GPR158: variants seen among roughly 807,000 people sequenced by gnomAD.
GPR158 encodes G protein-coupled receptor 158.
A neutral mutation model predicts 78.2 loss-of-function variants in GPR158; 30 were observed. That is an observed-to-expected ratio of 0.38 (90% CI 0.29 to 0.52). The LOEUF (loss-of-function observed/expected upper bound fraction) is 0.52, where lower values mean the gene tolerates loss of function less well. GPR158 is among the 20% of genes least tolerant of loss of function. The pLI, the probability that GPR158 is intolerant of heterozygous loss-of-function variation, is 0.83. For missense variants in GPR158, 1,463 were observed against 1,523.5 expected, an observed-to-expected ratio of 0.96 and a Z score of 0.66; for synonymous variants, 581 against 591.1, an observed-to-expected ratio of 0.98 and a Z score of 0.25.
At chr10:25,277,419 T>C (rs1588771179) in intron 2 of GPR158, among the ~76,000 whole-genome samples, 2 of 149,718 alleles carry the variant, frequency 1.3e-5, no homozygotes, top group South Asian at 2.1e-4. Context: ...CTGAATAAAA[T>C]AGAATAAACA....
intron 1 of GPR158, among the ~76,000 whole-genome samples, chr10:25,189,834 A>ATGTGTGTGTGTGTGTGTG (rs56205437): frequency 8.3e-6 from 1 of 120,538 alleles, no homozygotes; most frequent in African/African-American, 3.3e-5. Context: ...AAAGGAAAGC[A>ATGTGTGTGTGTGTGTGTG]TGTGTGTGTG....
At chr10:25,230,264 T>C (rs2130694134) in intron 2 of GPR158, among the ~76,000 whole-genome samples, 1 of 152,290 alleles carries the variant, frequency 6.6e-6, no homozygotes, top group Admixed American at 6.5e-5. Flanking sequence ...TTTGATCACA[T>C]GTGAATGATA....
chr10:25,296,485 ATATC>A (rs1206053735), intron 2 of GPR158, among the ~76,000 whole-genome samples: 1 of 151,374 alleles, frequency 6.6e-6, no homozygotes, highest in African/African-American at 2.4e-5. Context: ...CTTTCTATCT[ATATC>A]TAATCTATCT....
At chr10:25,317,726 G>GTTTTTTTTT (rs796945422) in intron 2 of GPR158, among the ~76,000 whole-genome samples, 2 of 140,140 alleles carry the variant, frequency 1.4e-5, no homozygotes, top group African/African-American at 5.9e-5. Context: ...GTTTTTTTTT[G>GTTTTTTTTT]TTTTGTTTTG....
chr10:25,598,190 A>T lies in GPR158; in HGVS notation c.2564A>T (p.Lys855Ile), dbSNP rs895204497. The change falls in exon 11 of 11, where the codon AAA becomes ATA. Residue 855 changes from lysine to isoleucine, a missense_variant. Physicochemically the swap from Lys to Ile is moderately radical, Grantham distance 102 (BLOSUM62 -3). Transcript: ENST00000376351. ...ENSTLESLSG[K>I]KLTQKLKEDS... is the part of the protein sequence containing the mutation. The stretch of plus-strand genomic sequence containing the variant: ...TCCACACTGGAATCCCTGTCGGGTA[A>T]AAAACTAACACAAAAACTAAAAGAA... 1 of 1,614,138 alleles carries T rather than the reference A, an allele frequency of 6.2e-7. No homozygotes were observed. The highest frequency in any genetic ancestry group is 1.7e-5 in the Admixed American group (1 of 60,024).
chr10:25,222,279 C>T (rs779199512), intron 2 of GPR158, among the ~76,000 whole-genome samples: 3 of 151,950 alleles, frequency 2.0e-5, no homozygotes, highest in East Asian at 1.9e-4. Context: ...ACTTCCACCC[C>T]GCCACCACAC....
chr10:25,425,727 G>C (rs1055455234), intron 4 of GPR158, among the ~76,000 whole-genome samples: 1 of 152,080 alleles, frequency 6.6e-6, no homozygotes. Flanking sequence ...CCATTTTATG[G>C]GTTATTTCTT....
At chr10:25,260,593 A>ATTGTT (rs1159312659) in intron 2 of GPR158, among the ~76,000 whole-genome samples, 1 of 151,420 alleles carries the variant, frequency 6.6e-6, no homozygotes, top group Non-Finnish European at 1.5e-5. Flanking sequence ...GACAGTTACT[A>ATTGTT]TTGTTTTGTT....
intron 2 of GPR158, among the ~76,000 whole-genome samples, chr10:25,376,363 TG>T (rs915295830): frequency 6.6e-6 from 1 of 151,690 alleles, no homozygotes; most frequent in Non-Finnish European, 1.5e-5. Context: ...AGGGTTTTTT[TG>T]TTTGATACAG....
At chr10:25,241,239 TC>T (rs1853611325) in intron 2 of GPR158, among the ~76,000 whole-genome samples, 1 of 138,332 alleles carries the variant, frequency 7.2e-6, no homozygotes, top group African/African-American at 2.9e-5. Context: ...TTCCTTTCTT[TC>T]CTTTCTTTCC....
intron 4 of GPR158, among the ~76,000 whole-genome samples, chr10:25,464,356 C>T (rs955244204): frequency 2.0e-5 from 3 of 152,210 alleles, no homozygotes; most frequent in East Asian, 1.9e-4. Flanking sequence ...GTCCCCCACT[C>T]GAGGCATTCA....
At chr10:25,487,188 T>A (rs1324567718) in intron 5 of GPR158, among the ~76,000 whole-genome samples, 1 of 152,096 alleles carries the variant, frequency 6.6e-6, no homozygotes, top group Non-Finnish European at 1.5e-5. Context: ...TGATCTTGAT[T>A]TAATCAGAGC....
chr10:25,337,032 T>G (rs1855218513), intron 2 of GPR158, among the ~76,000 whole-genome samples: 1 of 152,154 alleles, frequency 6.6e-6, no homozygotes, highest in African/African-American at 2.4e-5. Flanking sequence ...AACTGTAGGA[T>G]TCTGTAGATA....
intron 2 of GPR158, among the ~76,000 whole-genome samples, chr10:25,251,840 C>G (rs1853805544): frequency 6.6e-6 from 1 of 150,602 alleles, no homozygotes; most frequent in Admixed American, 6.6e-5. Flanking sequence ...CTCTGTATTT[C>G]CTGAATCTGA....
At chr10:25,414,370 A>C (rs544865734) in intron 4 of GPR158, among the ~76,000 whole-genome samples, 1 of 152,296 alleles carries the variant, frequency 6.6e-6, no homozygotes, top group Non-Finnish European at 1.5e-5. Context: ...ATGTCACTTT[A>C]GTGAAATTTC....
intron 2 of GPR158, 77 bp from the exon 3 acceptor site, chr10:25,395,834 A>G (rs1218202865): frequency 1.7e-6 from 1 of 601,536 alleles, no homozygotes; most frequent in Non-Finnish European, 3.0e-6. Context: ...TACCATTTGC[A>G]ATGATGGATA....
intron 1 of GPR158, among the ~76,000 whole-genome samples, chr10:25,200,321 A>G (rs1292892482): frequency 6.6e-6 from 1 of 152,102 alleles, no homozygotes; most frequent in Non-Finnish European, 1.5e-5. Context: ...TTCTTTTGAA[A>G]AGTGTCTGTT....
intron 7 of GPR158, among the ~76,000 whole-genome samples, chr10:25,574,022 G>A (rs760340394): frequency 6.6e-6 from 1 of 151,586 alleles, no homozygotes; most frequent in Non-Finnish European, 1.5e-5. Context: ...AAATTGTATA[G>A]ATAAAAAATT....
intron 1 of GPR158, among the ~76,000 whole-genome samples, chr10:25,217,482 C>T (rs894355433): frequency 3.3e-5 from 5 of 152,102 alleles, no homozygotes; most frequent in African/African-American, 1.2e-4. Context: ...TAAAGAAGGT[C>T]CCTAAACCAT....
Sources: allele counts gnomAD v4.1 joint callset (sites outside exome capture counted in the v4.1 genomes callset), GRCh38; gene constraint gnomAD v4.1.1; transcripts MANE v1.5; gene names NCBI Gene and HGNC (gene_info 2026-07-23, HGNC 2026-07-21).